Variants in MINDY4 observed in about 807,000 individuals in gnomAD.
MINDY4 encodes the protein probable ubiquitin carboxyl-terminal hydrolase MINDY-4.
Under a neutral mutation model 87.0 loss-of-function variants are expected in MINDY4, and 68 were observed. The observed-to-expected ratio is 0.78, with a 90% CI of 0.64 to 0.96. The LOEUF is 0.96. MINDY4 is among the 40% of genes least tolerant of loss of function. The probability of loss-of-function intolerance (pLI) is 0.00; values close to 1 mark genes in which losing one functional copy is unlikely to be tolerated. For synonymous variants in MINDY4, 379 were observed against 363.2 expected, an observed-to-expected ratio of 1.04 and a Z score of -0.50; for missense variants, 919 against 928.2, an observed-to-expected ratio of 0.99 and a Z score of 0.13.
chr7:30,877,685 T>TCTTCTTC (rs947288622), intron 15 of MINDY4, among the ~76,000 whole-genome samples: 15 of 142,220 alleles, frequency 1.1e-4, no homozygotes, highest in African/African-American at 3.4e-4. Flanking sequence ...TTCTTCTTCT[T>TCTTCTTC]TTTTTTTTTT....
chr7:30,816,297 CTG>C (rs60956483), intron 5 of MINDY4, among the ~76,000 whole-genome samples: 25,475 of 151,740 alleles, frequency 0.17, 2,857 homozygotes, highest in East Asian at 0.41. Context: ...GAGTCTGAGA[CTG>C]TGGTAAATTT....
Position 30,836,699 on chromosome 7 carries a change from T to A in MINDY4, c.1174T>A (p.Ser392Thr). The change falls in exon 7 of 18, where the codon TCG becomes ACG. Residue 392 changes from serine (S) to threonine (T), a missense_variant. Coordinates refer to ENST00000265299, the MANE Select transcript of MINDY4 (RefSeq NM_032222.3). ...DELIREEVIL[S>T]PVPSVLKLQT... Reference sequence around the variant, plus strand: ...GTTGATAAGGGAAGAGGTCATCCTGTCGCCAGTCCCATCAGTGCTCAAGTT... The same window carrying A: ...GTTGATAAGGGAAGAGGTCATCCTGACGCCAGTCCCATCAGTGCTCAAGTT... 2 of 1,614,178 alleles carry A rather than the reference T, an allele frequency of 1.2e-6. No individual in the cohort carries two copies. The highest frequency in any genetic ancestry group is 1.7e-6 in the Non-Finnish European group (2 of 1,180,032).
chr7:30,828,515 A>G (rs1788589355), intron 5 of MINDY4, among the ~76,000 whole-genome samples, 164 bp from the exon 6 acceptor site: 1 of 152,160 alleles, frequency 6.6e-6, no homozygotes, highest in African/African-American at 2.4e-5. Flanking sequence ...TCCCATGTGG[A>G]ACCTGTGGCT....
chr7:30,829,368 A>G (rs773642285), intron 6 of MINDY4, among the ~76,000 whole-genome samples: 5 of 152,166 alleles, frequency 3.3e-5, no homozygotes, highest in Non-Finnish European at 5.9e-5. Context: ...GAGACTGCGG[A>G]TGTTGAGACC....
chr7:30,833,446 C>T lies in MINDY4; in HGVS notation c.1133-3212C>T, dbSNP rs111238033. Among the ~76,000 whole-genome samples the T allele has an allele frequency of 6.1e-3, 930 of 152,312 alleles. 6 individuals are homozygous for T. Among genetic ancestry groups the T allele is most frequent in the African/African-American group, 0.021 (884 of 41,562 alleles). The stretch of plus-strand genomic sequence containing the variant: ...ACAAGACCAGCACAGGGAAGAGCCA[C>T]CTCCATGATTCGGTTATCTCCCACA... On this transcript the variant is annotated intron_variant, in intron 6 of 17. Coordinates refer to ENST00000265299, the MANE Select transcript of MINDY4 (RefSeq NM_032222.3).
At chr7:30,775,865 T>G (rs1344513975) in intron 1 of MINDY4, among the ~76,000 whole-genome samples, 1 of 152,250 alleles carries the variant, frequency 6.6e-6, no homozygotes, top group African/African-American at 2.4e-5. Flanking sequence ...CTCCTACAAC[T>G]GTGCCCATTG....
intron 5 of MINDY4, among the ~76,000 whole-genome samples, chr7:30,809,928 A>G (rs948415478): frequency 3.9e-5 from 6 of 152,282 alleles, no homozygotes; most frequent in Non-Finnish European, 5.9e-5. Context: ...CTGTAATCCC[A>G]GCCCTTTGGG....
At chr7:30,839,807 G>A (rs1788977095) in intron 8 of MINDY4, among the ~76,000 whole-genome samples, 1 of 152,172 alleles carries the variant, frequency 6.6e-6, no homozygotes, top group Non-Finnish European at 1.5e-5. Flanking sequence ...AGTGCTTGAA[G>A]AGAAGGATGT....
intron 14 of MINDY4, among the ~76,000 whole-genome samples, 168 bp from the exon 15 acceptor site, chr7:30,875,327 C>G (rs1322246425): frequency 6.6e-6 from 1 of 152,202 alleles, no homozygotes; most frequent in African/African-American, 2.4e-5. Context: ...GGTGCCTTTC[C>G]CACAGGACTT....
chr7:30,872,087 C>T (rs886902035), intron 13 of MINDY4, among the ~76,000 whole-genome samples, 156 bp from the exon 14 acceptor site: 1 of 152,188 alleles, frequency 6.6e-6, no homozygotes, highest in East Asian at 1.9e-4. Context: ...GTGGGAGCCT[C>T]CTCCGTGGAG....
chr7:30,792,920 C>T (rs1787367209), intron 5 of MINDY4, among the ~76,000 whole-genome samples: 2 of 151,654 alleles, frequency 1.3e-5, no homozygotes, highest in Non-Finnish European at 2.9e-5. Context: ...GATTCTCAGC[C>T]TTCTTCTTTT....
intron 17 of MINDY4, among the ~76,000 whole-genome samples, chr7:30,890,828 A>G (rs1256215310): frequency 1.3e-5 from 2 of 152,104 alleles, no homozygotes; most frequent in Non-Finnish European, 2.9e-5. Flanking sequence ...CATTGACTGA[A>G]ACCTCTTGGT....
At chr7:30,837,220 G>T (rs1447832327) in intron 7 of MINDY4, among the ~76,000 whole-genome samples, 1 of 152,112 alleles carries the variant, frequency 6.6e-6, no homozygotes, top group Non-Finnish European at 1.5e-5. Flanking sequence ...GGGCCCCGTG[G>T]TCACAGGGGA....
chr7:30,789,814 C>T (rs532041634), intron 4 of MINDY4, among the ~76,000 whole-genome samples: 3 of 152,278 alleles, frequency 2.0e-5, no homozygotes, highest in South Asian at 4.2e-4. Context: ...TTTGTCTCCC[C>T]ACCCTCCCAT....
At chr7:30,865,510 C>T (rs1030493202) in intron 13 of MINDY4, among the ~76,000 whole-genome samples, 1 of 152,230 alleles carries the variant, frequency 6.6e-6, no homozygotes, top group African/African-American at 2.4e-5. Flanking sequence ...TCCCTGGTCC[C>T]GTCCCTGGGA....
At chr7:30,875,376 C>G in intron 14 of MINDY4, 119 bp from the exon 15 acceptor site, 1 of 1,123,776 alleles carries the variant, frequency 8.9e-7, no homozygotes, top group Non-Finnish European at 1.3e-6. Flanking sequence ...TGCTCTCAGG[C>G]TCTCTCCCTC....
At chr7:30,862,997 C>G (rs1471274843) in intron 13 of MINDY4, among the ~76,000 whole-genome samples, 2 of 152,232 alleles carry the variant, frequency 1.3e-5, no homozygotes, top group Middle Eastern at 3.4e-3. Context: ...CCTGCTGCCC[C>G]CCTCCCCAGC....
chr7:30,773,180 A>T, intron 1 of MINDY4, among the ~76,000 whole-genome samples: 1 of 152,228 alleles, frequency 6.6e-6, no homozygotes, highest in East Asian at 1.9e-4. Flanking sequence ...CGTGCTCCCC[A>T]CAGGGTTTTG....
At position 30,876,512 on chromosome 7, in the gene MINDY4, C is replaced by T. The variant is rs544055272; in HGVS notation, c.1971+856C>T. ...GGTCCCTCTGCATCCTGTGTCACTG[C>T]AGCCAGGGGCTCAGAAAGGGCTGGG... On this transcript the variant is annotated intron_variant, in intron 15 of 17. Coordinates refer to ENST00000265299, the MANE Select transcript of MINDY4 (RefSeq NM_032222.3). Among the ~76,000 whole-genome samples, 7 of 152,298 alleles carry T rather than the reference C, an allele frequency of 4.6e-5. No individual in the cohort carries two copies. In the South Asian group the frequency reaches 1.2e-3, roughly 27 times the overall value.
Sources: gnomAD v4.1 joint callset for allele counts (sites outside exome capture counted in the v4.1 genomes callset) on GRCh38, gnomAD v4.1.1 for gene constraint, MANE v1.5 for transcripts, NCBI Gene and HGNC (gene_info 2026-07-23, HGNC 2026-07-21) for gene names.